Variants in USP7 observed in about 807,000 individuals in gnomAD.
The protein encoded by USP7 is ubiquitin C-terminal hydrolase 7.
In USP7, 9 loss-of-function variants were observed where a neutral mutation model predicts 162.9. The observed-to-expected ratio is 0.06, with a 90% CI of 0.03 to 0.10. The LOEUF is 0.10. Among genes scored for constraint, USP7 ranks in the 10% least tolerant of loss-of-function variants. USP7 has a pLI of 1.00. For missense variants in USP7, 715 were observed against 1,373.7 expected (o/e 0.52, Z 7.58); for synonymous variants, 562 against 475.9 (o/e 1.18, Z -2.35).
At chr16:8,947,308 A>T (rs1899330004) in intron 1 of USP7, among the ~76,000 whole-genome samples, 1 of 152,094 alleles carries the variant, frequency 6.6e-6, no homozygotes, top group African/African-American at 2.4e-5. Context: ...TTTTTATACA[A>T]CATTACCATG....
At chr16:8,935,116 G>A (rs983118590) in intron 1 of USP7, among the ~76,000 whole-genome samples, 6 of 151,946 alleles carry the variant, frequency 3.9e-5, no homozygotes, top group African/African-American at 1.2e-4. Flanking sequence ...TAAGAGTGAT[G>A]TAATACCAAG....
At chr16:8,933,620 A>C (rs566791485) in intron 1 of USP7, among the ~76,000 whole-genome samples, 3 of 151,378 alleles carry the variant, frequency 2.0e-5, no homozygotes, top group Non-Finnish European at 4.4e-5. Context: ...ATGCGCTATC[A>C]TTTTTTTTTC....
At chr16:8,915,755 AAATTAGT>A (rs1294663162) in intron 8 of USP7, among the ~76,000 whole-genome samples, 1 of 152,222 alleles carries the variant, frequency 6.6e-6, no homozygotes, top group Non-Finnish European at 1.5e-5. Context: ...CCTTTGGAAT[AAATTAGT>A]AATCTGTAGT....
chr16:8,902,098 G>C lies in USP7; in HGVS notation c.2031C>G (p.Pro677=), dbSNP rs1295855586. Reference sequence around the variant, plus strand: ...GGCACTTACGATCTTTATCAAACTTGGGTAAGGTCGCTCCACTAGCAGCCA... The same window carrying C: ...GGCACTTACGATCTTTATCAAACTTCGGTAAGGTCGCTCCACTAGCAGCCA... ...PELAASGATL[P]KFDKDHDVML... Residue 677 remains proline (P), a synonymous_variant, in exon 18 of 31, where the codon CCC becomes CCG. Coordinates refer to ENST00000344836, the MANE Select transcript of USP7 (RefSeq NM_003470.3). 6.2e-7 allele frequency: 1 copy of C among 1,614,158 alleles called. No homozygotes were observed. Among genetic ancestry groups the C allele is most frequent in the Admixed American group, 1.7e-5 (1 of 60,018 alleles).
chr16:8,930,263 A>C, intron 2 of USP7, 30 bp downstream of exon 2: 1 of 1,562,718 alleles, frequency 6.4e-7, no homozygotes, highest in Non-Finnish European at 8.8e-7. Context: ...GTTTCCGCCC[A>C]CTGCGAGGCG....
chr16:8,894,809 T>A lies in USP7; in HGVS notation c.3086A>T (p.Asp1029Val). 6.2e-7 allele frequency: 1 copy of A among 1,614,224 alleles called. No individual in the cohort carries two copies. Among genetic ancestry groups the A allele is most frequent in the South Asian group, 1.1e-5 (1 of 91,090 alleles). The change falls in exon 29 of 31, where the codon GAC (aspartate) becomes GTC (valine). Residue 1029 changes from aspartate to valine, a missense_variant. Asp to Val is a radical substitution (Grantham distance 152, BLOSUM62 -3). This residue lies in a region of USP7 where 222 missense variants were observed against 441.7 expected (regional missense o/e 0.50). Transcript: ENST00000344836. ...CTTCTCAAACTCCTTCTCCTGGATG[T>A]CCAGCAGGCTCTGGATTCGCTTCAT... is the stretch of plus-strand genomic sequence containing the variant. ...EVMKRIQSLL[D>V]IQEKEFEKFK...
At chr16:8,940,677 A>T (rs563382387) in intron 1 of USP7, among the ~76,000 whole-genome samples, 1 of 152,332 alleles carries the variant, frequency 6.6e-6, no homozygotes, top group South Asian at 2.1e-4. Flanking sequence ...CCTGACCGCC[A>T]TCTTCTAGAC....
chr16:8,911,230 T>G (rs999087011), intron 10 of USP7, among the ~76,000 whole-genome samples: 2 of 152,154 alleles, frequency 1.3e-5, no homozygotes, highest in Non-Finnish European at 2.9e-5. Flanking sequence ...AACCTCGATT[T>G]CCTCAGAGGT....
chr16:8,930,234 T>G, intron 2 of USP7, 59 bp downstream of exon 2: 1 of 1,366,904 alleles, frequency 7.3e-7, no homozygotes, highest in African/African-American at 1.4e-5. Context: ...AGCATGGATC[T>G]GAACCTGTTT....
At chr16:8,944,519 C>T (rs1435756281) in intron 1 of USP7, among the ~76,000 whole-genome samples, 1 of 152,234 alleles carries the variant, frequency 6.6e-6, no homozygotes, top group African/African-American at 2.4e-5. Context: ...TTTATACATA[C>T]TCTTGGTTGT....
At chr16:8,924,361 C>G (rs894415913) in intron 2 of USP7, among the ~76,000 whole-genome samples, 4 of 152,262 alleles carry the variant, frequency 2.6e-5, no homozygotes, top group Non-Finnish European at 4.4e-5. Flanking sequence ...ACACAAGCTT[C>G]TAAACGCTTC....
chr16:8,903,169 A>T (rs928202832), intron 16 of USP7, 99 bp downstream of exon 16: 2 of 1,487,248 alleles, frequency 1.3e-6, no homozygotes, highest in East Asian at 4.6e-5. Context: ...GGCTGGACAC[A>T]GCACCTACCC....
At chr16:8,930,551 CTAA>C (rs1898260958) in intron 1 of USP7, among the ~76,000 whole-genome samples, 154 bp from the exon 2 acceptor site, 1 of 152,166 alleles carries the variant, frequency 6.6e-6, no homozygotes, top group Non-Finnish European at 1.5e-5. Context: ...AATATTTATA[CTAA>C]TGTTTACTAC....
chr16:8,944,028 T>G (rs1046355662), intron 1 of USP7, among the ~76,000 whole-genome samples: 4 of 151,978 alleles, frequency 2.6e-5, no homozygotes, highest in African/African-American at 9.7e-5. Flanking sequence ...TGGGCAAACA[T>G]AGGGAGACCC....
At chr16:8,903,777 G>A (rs767887299) in intron 15 of USP7, among the ~76,000 whole-genome samples, 1 of 150,998 alleles carries the variant, frequency 6.6e-6, no homozygotes, top group Non-Finnish European at 1.5e-5. Flanking sequence ...TGAGGCAGGA[G>A]AATCACTTGA....
intron 2 of USP7, among the ~76,000 whole-genome samples, chr16:8,925,375 T>C (rs1484806077): frequency 1.3e-5 from 2 of 152,160 alleles, no homozygotes; most frequent in South Asian, 2.1e-4. Flanking sequence ...AGCAACCAAA[T>C]GGAAAATCAC....
chr16:8,929,942 T>C (rs1898225780), intron 2 of USP7, among the ~76,000 whole-genome samples: 1 of 152,206 alleles, frequency 6.6e-6, no homozygotes, highest in Admixed American at 6.5e-5. Context: ...CAAGTTCCAA[T>C]GTCTGCACGT....
chr16:8,901,902 G>A, intron 18 of USP7, 180 bp downstream of exon 18: 1 of 615,100 alleles, frequency 1.6e-6, no homozygotes, highest in East Asian at 2.8e-5. Context: ...GGGCCTCACA[G>A]GAAACTCGCA....
intron 25 of USP7, 123 bp from the exon 26 acceptor site, chr16:8,897,222 T>C: frequency 2.7e-6 from 2 of 740,602 alleles, no homozygotes; most frequent in South Asian, 1.7e-5. Context: ...CCCATGTTCT[T>C]GCTCTCATTC....
Sources: gnomAD v4.1 joint callset for allele counts (sites outside exome capture counted in the v4.1 genomes callset) on GRCh38, gnomAD v4.1.1 for gene constraint, gnomAD v4.1.1 regional missense constraint, MANE v1.5 for transcripts, NCBI Gene and HGNC (gene_info 2026-07-23, HGNC 2026-07-21) for gene names.